CSMD1: variants seen among roughly 807,000 people sequenced by gnomAD.
CSMD1 encodes CUB and sushi domain-containing protein 1.
In CSMD1, 213 loss-of-function variants were observed where a neutral mutation model predicts 417.5. The observed-to-expected ratio is 0.51, with a 90% confidence interval of 0.46 to 0.57. The LOEUF (loss-of-function observed/expected upper bound fraction) is 0.57, where lower values mean the gene tolerates loss of function less well. Among genes scored for constraint, CSMD1 ranks in the 20% least tolerant of loss-of-function variants. CSMD1 has a pLI of 0.00. For missense variants in CSMD1, 6,923 were observed against 4,529.7 expected (o/e 1.53, Z -15.17); for synonymous variants, 2,862 against 1,736.8 (o/e 1.65, Z -16.11).
chr8:4,084,848 G>A (rs953333080), intron 3 of CSMD1, among the ~76,000 whole-genome samples: 1 of 147,446 alleles, frequency 6.8e-6, no homozygotes, highest in Non-Finnish European at 1.5e-5. Context: ...TCTTGAAGAA[G>A]AATGACAAAA....
intron 29 of CSMD1, among the ~76,000 whole-genome samples, chr8:3,218,903 T>C (rs1263827432): frequency 6.6e-6 from 1 of 152,156 alleles, no homozygotes; most frequent in South Asian, 2.1e-4. Context: ...GTTATTTTCA[T>C]GTACTTACAT....
chr8:3,394,668 G>C lies in CSMD1; in HGVS notation c.2593+1526C>G, dbSNP rs373255671. ...GTGGGAGAGGATGAGAAAATACAAG[G>C]CTTATTAGGGATCTTACAAATTCAG... is the stretch of plus-strand genomic sequence containing the variant. On this transcript the variant is annotated intron_variant, in intron 17 of 69. Coordinates refer to ENST00000635120, the MANE Select transcript of CSMD1 (RefSeq NM_033225.6). 5.3e-5 allele frequency among the ~76,000 whole-genome samples: 8 copies of C among 152,086 alleles called. No homozygotes were observed. In the South Asian group the frequency reaches 1.7e-3, roughly 32 times the overall value.
intron 46 of CSMD1, among the ~76,000 whole-genome samples, chr8:3,102,911 C>A (rs190499891): frequency 6.6e-6 from 1 of 152,178 alleles, no homozygotes; most frequent in African/African-American, 2.4e-5. Flanking sequence ...TAGAATTCAA[C>A]GAGTTTTATT....
chr8:4,693,219 G>C (rs1253055283), intron 1 of CSMD1, among the ~76,000 whole-genome samples: 1 of 152,184 alleles, frequency 6.6e-6, no homozygotes, highest in African/African-American at 2.4e-5. Flanking sequence ...CTCACCCCTT[G>C]GGTGACGGCC....
chr8:3,630,082 A>G (rs771991659), intron 7 of CSMD1, among the ~76,000 whole-genome samples: 2 of 152,272 alleles, frequency 1.3e-5, no homozygotes, highest in Non-Finnish European at 2.9e-5. Flanking sequence ...CCATGGAAAT[A>G]ACACTTTAAA....
chr8:4,049,309 A>C (rs1029813466), intron 3 of CSMD1, among the ~76,000 whole-genome samples: 1 of 151,962 alleles, frequency 6.6e-6, no homozygotes, highest in African/African-American at 2.4e-5. Context: ...ACATTTTGCA[A>C]CATCTCTGGC....
intron 3 of CSMD1, among the ~76,000 whole-genome samples, chr8:4,408,071 T>C (rs1472592713): frequency 6.6e-6 from 1 of 152,172 alleles, no homozygotes. Flanking sequence ...TCCATTATTC[T>C]AATATTTAAA....
intron 3 of CSMD1, among the ~76,000 whole-genome samples, chr8:4,393,140 T>TA (rs1803967426): frequency 6.6e-6 from 1 of 151,760 alleles, no homozygotes. Context: ...CACGCCCGAC[T>TA]AATTTTTGTA....
chr8:3,570,136 C>T (rs990706934), intron 10 of CSMD1, among the ~76,000 whole-genome samples: 11 of 152,154 alleles, frequency 7.2e-5, no homozygotes, highest in African/African-American at 2.4e-4. Flanking sequence ...TAAAAGTCCA[C>T]TTTAAGAAAT....
At chr8:4,682,512 T>A (rs77355583) in intron 1 of CSMD1, among the ~76,000 whole-genome samples, 2 of 152,080 alleles carry the variant, frequency 1.3e-5, no homozygotes, top group African/African-American at 4.8e-5. Context: ...AAAAAGAATG[T>A]TTTTCATTAG....
intron 3 of CSMD1, among the ~76,000 whole-genome samples, chr8:4,395,063 C>G (rs565822544): frequency 1.6e-4 from 25 of 152,144 alleles, no homozygotes; most frequent in Non-Finnish European, 3.1e-4. Flanking sequence ...CTGGACAGCT[C>G]CAGGGTGTCC....
At chr8:4,637,925 C>T (rs1479090765) in intron 1 of CSMD1, among the ~76,000 whole-genome samples, 3 of 152,060 alleles carry the variant, frequency 2.0e-5, no homozygotes, top group Non-Finnish European at 4.4e-5. Flanking sequence ...CCGCCCCGGC[C>T]TCCCAAAGTG....
chr8:4,824,556 C>A (rs1352110849), intron 1 of CSMD1, among the ~76,000 whole-genome samples: 2 of 151,988 alleles, frequency 1.3e-5, no homozygotes, highest in African/African-American at 2.4e-5. Flanking sequence ...ATAATTACAC[C>A]ACGGAAACAG....
chr8:3,608,032 C>T (rs1313163137), intron 8 of CSMD1, among the ~76,000 whole-genome samples: 3 of 152,038 alleles, frequency 2.0e-5, no homozygotes, highest in East Asian at 1.9e-4. Context: ...ATTAGCCAGC[C>T]GTGGTGGTAT....
intron 10 of CSMD1, among the ~76,000 whole-genome samples, chr8:3,542,660 G>A (rs887068120): frequency 6.6e-6 from 1 of 152,184 alleles, no homozygotes; most frequent in Admixed American, 6.5e-5. Context: ...CAGTTCAGAT[G>A]TGTTTCTCCC....
At chr8:3,537,951 A>T (rs1264409638) in intron 10 of CSMD1, among the ~76,000 whole-genome samples, 1 of 152,204 alleles carries the variant, frequency 6.6e-6, no homozygotes, top group Non-Finnish European at 1.5e-5. Flanking sequence ...AAAGTTGTTT[A>T]TTCACTCAGG....
chr8:4,928,156 T>C (rs535352269), intron 1 of CSMD1, among the ~76,000 whole-genome samples: 7 of 152,202 alleles, frequency 4.6e-5, no homozygotes, highest in South Asian at 2.1e-4. Flanking sequence ...GACGCACACA[T>C]AGACTTTCCC....
At chr8:3,797,218 A>C (rs1800203157) in intron 5 of CSMD1, among the ~76,000 whole-genome samples, 1 of 152,030 alleles carries the variant, frequency 6.6e-6, no homozygotes, top group South Asian at 2.1e-4. Flanking sequence ...ATATCAAAGA[A>C]CTTCAACCAT....
At chr8:3,919,147 C>A (rs1213764021) in intron 5 of CSMD1, among the ~76,000 whole-genome samples, 6 of 113,502 alleles carry the variant, frequency 5.3e-5, no homozygotes, top group Non-Finnish European at 1.0e-4. Context: ...AGTCCCACTT[C>A]TTTTGATTTG....
Sources: allele counts gnomAD v4.1 joint callset (sites outside exome capture counted in the v4.1 genomes callset), GRCh38; gene constraint gnomAD v4.1.1; transcripts MANE v1.5; gene names NCBI Gene and HGNC (gene_info 2026-07-23, HGNC 2026-07-21).